ATP2B4: variants seen among roughly 807,000 people sequenced by gnomAD.
ATP2B4 encodes the protein plasma membrane calcium-transporting ATPase 4.
Under a neutral mutation model 110.3 loss-of-function variants are expected in ATP2B4, and 39 were observed. That is an observed-to-expected ratio of 0.35 (90% CI 0.27 to 0.46). ATP2B4 has a LOEUF of 0.46. ATP2B4 is among the 20% of genes least tolerant of loss of function. The probability of loss-of-function intolerance (pLI) is 1.00; values close to 1 mark genes in which losing one functional copy is unlikely to be tolerated. For missense variants in ATP2B4, 1,135 were observed against 1,530.9 expected (o/e 0.74, Z 4.32); for synonymous variants, 538 against 571.7 (o/e 0.94, Z 0.84).
intron 16 of ATP2B4, 29 bp downstream of exon 16, chr1:203,720,769 G>A (rs764361416): frequency 1.3e-6 from 2 of 1,593,346 alleles, no homozygotes; most frequent in Non-Finnish European, 1.7e-6. Flanking sequence ...GGCTGAGACG[G>A]GAGGGATGAG....
intron 1 of ATP2B4, among the ~76,000 whole-genome samples, chr1:203,677,372 T>A (rs1374219846): frequency 6.6e-6 from 1 of 152,086 alleles, no homozygotes; most frequent in African/African-American, 2.4e-5. Flanking sequence ...TGTTCCTGAG[T>A]ATAGGGAGAA....
At position 203,739,950 on chromosome 1, in the gene ATP2B4, G is replaced by A; in HGVS notation, c.*96G>A. 7.6e-7 allele frequency: 1 copy of A among 1,312,520 alleles called. No homozygotes were observed. Among genetic ancestry groups the A allele is most frequent in the South Asian group, 1.5e-5 (1 of 67,992 alleles). 81.3% of individuals were successfully genotyped at this position (1,312,520 alleles called of 1,614,324 possible). A position where few individuals can be genotyped will look rare whatever the true frequency, so the allele number is the denominator to read the frequency against. On this transcript the variant is annotated 3_prime_UTR_variant, in exon 21 of 21. Coordinates refer to ENST00000357681, the MANE Select transcript of ATP2B4 (RefSeq NM_001684.5). ...GATGGGACTTTTCATTGTCACGTCA[G>A]CTGCTGTGTTAACAGCAGTGTGTGT...
In ATP2B4 at chr1:203,710,849, A is replaced by T. The variant is rs1211661245; in HGVS notation, c.1800-28A>T. 5.3e-6 allele frequency: 8 copies of T among 1,522,264 alleles called. No individual in the cohort carries two copies. In the African/African-American group the frequency reaches 1.1e-4, roughly 21 times the overall value. 94.3% of individuals were successfully genotyped at this position (1,522,264 alleles called of 1,614,324 possible). A position where few individuals can be genotyped will look rare whatever the true frequency, so the allele number is the denominator to read the frequency against. On this transcript the variant is annotated intron_variant, in intron 11 of 20. Coordinates refer to ENST00000357681, the MANE Select transcript of ATP2B4 (RefSeq NM_001684.5). ...AAACGTATTGAGTGGGAAGGGAGAC[A>T]CCGCGTTCTTACTGTGCGCCTCCCC...
chr1:203,689,946 G>A lies in ATP2B4; in HGVS notation c.193+6548G>A, dbSNP rs191015272. Among the ~76,000 whole-genome samples, 55 of 152,294 alleles carry A rather than the reference G, an allele frequency of 3.6e-4. No homozygotes were observed. In the South Asian group the frequency reaches 7.5e-3, roughly 21 times the overall value. On this transcript the variant is annotated intron_variant, in intron 2 of 20. Transcript: ENST00000357681. ...CCCAGTGAAGCTCTAGCATGGCCAC[G>A]CTCTATGATCATTGCTACCACCTGC... is the stretch of plus-strand genomic sequence containing the variant.
chr1:203,714,614 T>C (rs1031704461), intron 15 of ATP2B4, among the ~76,000 whole-genome samples: 7 of 152,194 alleles, frequency 4.6e-5, no homozygotes, highest in African/African-American at 1.7e-4. Flanking sequence ...GCTGGCACCA[T>C]TGGGTATTCC....
chr1:203,739,991 C>G lies in ATP2B4; in HGVS notation c.*137C>G. 1.0e-6 allele frequency: 1 copy of G among 975,904 alleles called. No individual in the cohort carries two copies. Among genetic ancestry groups the G allele is most frequent in the Non-Finnish European group, 1.5e-6 (1 of 676,856 alleles). The allele number at this position is 975,904 out of a possible 1,614,324, so 60.5% of individuals were successfully genotyped here. A position where few individuals can be genotyped will look rare whatever the true frequency, so the allele number is the denominator to read the frequency against. ...CAGTGTGTGTGAAGTGAACCTCTAC[C>G]TGACCATGAAGAGGCAAGAGCACAG... On this transcript the variant is annotated 3_prime_UTR_variant, in exon 21 of 21. Coordinates refer to ENST00000357681, the MANE Select transcript of ATP2B4 (RefSeq NM_001684.5).
At position 203,701,000 on chromosome 1, in the gene ATP2B4, A is replaced by T. The variant is rs3820197; in HGVS notation, c.901+77A>T. The T allele has an allele frequency of 0.21, 319,841 of 1,508,832 alleles. 39,771 individuals carry two copies. The highest frequency in any genetic ancestry group is 0.55 in the East Asian group (22,391 of 40,824). The allele number at this position is 1,508,832 out of a possible 1,614,324, so 93.5% of individuals were successfully genotyped here. ...CAAGGAAGCGAGGGAGCAGATCTGG[A>T]TAGAAAGCATGGTTGGAAGAATCTG... On this transcript the variant is annotated intron_variant, in intron 6 of 20. Transcript: ENST00000357681.
chr1:203,696,700 T>C (rs988608566), intron 2 of ATP2B4, among the ~76,000 whole-genome samples: 7 of 152,232 alleles, frequency 4.6e-5, no homozygotes, highest in Admixed American at 2.0e-4. Flanking sequence ...CTGAGAATAA[T>C]TCTGCCTATC....
rs914175559 is a variant in ATP2B4 at position 203,717,584 on chromosome 1, C to A, written c.2407-2965C>A. Among the ~76,000 whole-genome samples the A allele has an allele frequency of 2.6e-5, 4 of 151,822 alleles. No individual in the cohort carries two copies. The South Asian group carries it at 8.3e-4, about 32-fold the overall frequency. ...ATCCTGGATAGGAGATAGTCCATTT[C>A]TCCAAGGATTCCTGCTTCATTTTAA... On this transcript the variant is annotated intron_variant, in intron 15 of 20. Coordinates refer to ENST00000357681, the MANE Select transcript of ATP2B4 (RefSeq NM_001684.5).
At chr1:203,662,716 G>T (rs189123534) in intron 1 of ATP2B4, among the ~76,000 whole-genome samples, 99 of 152,234 alleles carry the variant, frequency 6.5e-4, no homozygotes, top group African/African-American at 2.3e-3. Context: ...GCCCATGGAG[G>T]CCCTCCTTTT....
chr1:203,739,749 T>G lies in ATP2B4; in HGVS notation c.3513T>G (p.Gly1171=). The G allele has an allele frequency of 6.2e-7, 1 of 1,614,178 alleles. No individual in the cohort carries two copies. The highest frequency in any genetic ancestry group is 1.1e-5 in the South Asian group (1 of 91,080). ...GGACTAGGGTGCTCCTGTTGGATGG[T>G]GAGGTCACTCCATATGCCAATACAA... ...KFGTRVLLLD[G]EVTPYANTNN... is the part of the protein sequence containing the mutation. The change falls in exon 21 of 21, where the codon GGT becomes GGG. Residue 1171 remains glycine (G), a synonymous_variant. Transcript: ENST00000357681.
chr1:203,628,370 G>T (rs1663153821), intron 1 of ATP2B4, among the ~76,000 whole-genome samples: 1 of 152,186 alleles, frequency 6.6e-6, no homozygotes, highest in Non-Finnish European at 1.5e-5. Flanking sequence ...GCCGCATCTT[G>T]GGAGGGGAGT....
Position 203,740,442 on chromosome 1 carries a change from T to C in ATP2B4, c.*588T>C, listed in dbSNP as rs1292345836. ...TGTCTTTTGTCTTCCCTTCCTTTCC[T>C]TTTTTTTTTTTTTTTTTATGATGAT... is the stretch of plus-strand genomic sequence containing the variant. On this transcript the variant is annotated 3_prime_UTR_variant, in exon 21 of 21. Transcript: ENST00000357681. 4.0e-5 allele frequency: 1 copy of C among 24,772 alleles called. No individual in the cohort carries two copies. The highest frequency in any genetic ancestry group is 7.5e-5 in the Non-Finnish European group (1 of 13,318). The allele number at this position is 24,772 out of a possible 1,614,324, so 1.5% of individuals were successfully genotyped here. A position where few individuals can be genotyped will look rare whatever the true frequency, so the allele number is the denominator to read the frequency against.
chr1:203,689,393 G>A (rs1453802078), intron 2 of ATP2B4, among the ~76,000 whole-genome samples: 2 of 152,214 alleles, frequency 1.3e-5, no homozygotes, highest in Non-Finnish European at 2.9e-5. Context: ...GGTGTTTTCT[G>A]AGGAAGAGTT....
At chr1:203,711,133 G>GA in intron 12 of ATP2B4, 25 bp downstream of exon 12, 1 of 1,605,656 alleles carries the variant, frequency 6.2e-7, no homozygotes, top group Non-Finnish European at 8.5e-7. Context: ...AGCCACCCAG[G>GA]AGTCTCAGGA....
At chr1:203,709,962 T>A (rs542969303) in intron 11 of ATP2B4, among the ~76,000 whole-genome samples, 1 of 152,354 alleles carries the variant, frequency 6.6e-6, no homozygotes, top group South Asian at 2.1e-4. Context: ...ATTCAATGTA[T>A]GTAAAATGCC....
chr1:203,721,458 G>C (rs892084492), intron 17 of ATP2B4, 48 bp downstream of exon 17: 3 of 1,574,738 alleles, frequency 1.9e-6, no homozygotes, highest in Middle Eastern at 3.5e-4. Flanking sequence ...GGTTGGAGGT[G>C]GGGGCAGAGA....
At chr1:203,710,239 G>A (rs1218378437) in intron 11 of ATP2B4, among the ~76,000 whole-genome samples, 1 of 151,984 alleles carries the variant, frequency 6.6e-6, no homozygotes, top group African/African-American at 2.4e-5. Flanking sequence ...GCATGGTGGT[G>A]CGTGCCTGTA....
At chr1:203,694,901 T>G (rs1329692275) in intron 2 of ATP2B4, among the ~76,000 whole-genome samples, 1 of 152,030 alleles carries the variant, frequency 6.6e-6, no homozygotes, top group East Asian at 1.9e-4. Context: ...TTAGATATAT[T>G]TTGAAGCTGA....
Sources: allele counts gnomAD v4.1 joint callset (sites outside exome capture counted in the v4.1 genomes callset), GRCh38; gene constraint gnomAD v4.1.1; transcripts MANE v1.5; gene names NCBI Gene and HGNC (gene_info 2026-07-23, HGNC 2026-07-21).